Variants in ITGA2B observed in about 807,000 individuals in gnomAD.
The protein encoded by ITGA2B is integrin subunit alpha 2b, also known as integrin alpha-IIb.
Under a neutral mutation model 142.0 loss-of-function variants are expected in ITGA2B, and 91 were observed. That is an observed-to-expected ratio of 0.64 (90% CI 0.54 to 0.76). ITGA2B has a LOEUF of 0.76. ITGA2B is among the 30% of genes least tolerant of loss of function. The probability of loss-of-function intolerance (pLI) is 0.00; values close to 1 mark genes in which losing one functional copy is unlikely to be tolerated. For missense variants in ITGA2B, 1,231 were observed against 1,350.8 expected (o/e 0.91, Z 1.39); for synonymous variants, 536 against 567.2 (o/e 0.94, Z 0.78).
rs767400717 is a variant in ITGA2B, at chr17:44,374,486, C to G, written c.2944-16G>C. On this transcript the variant is annotated splice_polypyrimidine_tract_variant and intron_variant, in intron 28 of 29. Coordinates refer to ENST00000262407, the MANE Select transcript of ITGA2B (RefSeq NM_000419.5). ...GTGTCCACACCTGGGGGCAAACCCA[C>G]GTGTCTCCTCAGTCACCTTGACACC... 4 of 1,604,440 alleles carry G rather than the reference C, an allele frequency of 2.5e-6. No individual in the cohort carries two copies. Among genetic ancestry groups the G allele is most frequent in the Non-Finnish European group, 2.6e-6 (3 of 1,171,306 alleles).
intron 18 of ITGA2B, among the ~76,000 whole-genome samples, chr17:44,379,455 T>A (rs1252088448): frequency 6.6e-6 from 1 of 151,922 alleles, no homozygotes; most frequent in Admixed American, 6.6e-5. Flanking sequence ...GTTTTCACCA[T>A]GTTGGCCAGG....
intron 29 of ITGA2B, chr17:44,373,949 A>G (rs1244525762): frequency 4.3e-6 from 1 of 230,868 alleles, no homozygotes; most frequent in East Asian, 1.0e-4. Flanking sequence ...TCTGTTGCCC[A>G]AGCTGGAGTG....
At position 44,385,326 on chromosome 17, in the gene ITGA2B, TTGTCCCAGCCTGCAGGAG is replaced by T. The variant is rs2048636062; in HGVS notation, c.575-9_583del. 6.2e-7 allele frequency: 1 copy of T among 1,611,602 alleles called. No homozygotes were observed. The highest frequency in any genetic ancestry group is 1.3e-5 in the African/African-American group (1 of 75,006). On this transcript the variant is annotated splice_acceptor_variant and splice_polypyrimidine_tract_variant and coding_sequence_variant and intron_variant, in exon 5 of 30. Coordinates refer to ENST00000262407, the MANE Select transcript of ITGA2B (RefSeq NM_000419.5). LOFTEE classifies it high-confidence loss of function. ...GCTGAAGCCCGCTTCACAGTAACGC[TTGTCCCAGCCTGCAGGAG>T]ACAAGGAGGAGGGGTCAGCGCAGGG...
At chr17:44,379,574 G>A in intron 18 of ITGA2B, 115 bp downstream of exon 18, 2 of 1,528,002 alleles carry the variant, frequency 1.3e-6, no homozygotes, top group South Asian at 2.2e-5. Context: ...GTTTTCATTA[G>A]GGTTTGGAAT....
chr17:44,374,992 C>T lies in ITGA2B; in HGVS notation c.2841+6G>A. The T allele has an allele frequency of 1.3e-6, 2 of 1,534,520 alleles. No homozygotes were observed. The highest frequency in any genetic ancestry group is 8.8e-7 in the Non-Finnish European group (1 of 1,141,810). ...CCCGGCCCCGCCCCACCACGGCCCA[C>T]CCCACCTGGTAGAGGCTGGGCAGCC... On this transcript the variant is annotated splice_donor_region_variant and intron_variant, in intron 27 of 29. Coordinates refer to ENST00000262407, the MANE Select transcript of ITGA2B (RefSeq NM_000419.5).
chr17:44,374,964 AGG>A, intron 27 of ITGA2B, 32 bp downstream of exon 27: 1 of 1,472,236 alleles, frequency 6.8e-7, no homozygotes, highest in Non-Finnish European at 9.2e-7. Context: ...CCCGCCCAGA[AGG>A]CCCGGCCCCG....
rs1044150186 is a variant in ITGA2B at position 44,389,219 on chromosome 17, C to G, written c.188+67G>C. 2.6e-6 allele frequency: 4 copies of G among 1,549,090 alleles called. No individual in the cohort carries two copies. In the African/African-American group the frequency reaches 5.4e-5, roughly 21 times the overall value. The stretch of plus-strand genomic sequence containing the variant: ...GCTATCGCAAATGGGAAACTCGAAG[C>G]CCCCAGAAGCAGTGATGGGGAGGGG... On this transcript the variant is annotated intron_variant, in intron 1 of 29. Coordinates refer to ENST00000262407, the MANE Select transcript of ITGA2B (RefSeq NM_000419.5).
chr17:44,372,744 T>G (rs1018034270), intron 29 of ITGA2B, among the ~76,000 whole-genome samples: 12 of 152,018 alleles, frequency 7.9e-5, no homozygotes, highest in Admixed American at 3.9e-4. Context: ...TTCTCATGCC[T>G]CAGCCTCCCG....
rs750126524 is a variant in ITGA2B at position 44,374,650 on chromosome 17, C to G, written c.2943+9G>C. 6.2e-6 allele frequency: 10 copies of G among 1,611,418 alleles called. No homozygotes were observed. The highest frequency in any genetic ancestry group is 1.7e-5 in the Admixed American group (1 of 60,014). On this transcript the variant is annotated intron_variant, in intron 28 of 29. Transcript: ENST00000262407. ...AGGACTGGTCTCTGCTCCATCCCCC[C>G]ACACTCACCTGAGCTTCCCCTCGGG...
intron 29 of ITGA2B, 80 bp from the exon 30 acceptor site, chr17:44,372,503 T>C (rs867830247): frequency 1.0e-5 from 13 of 1,261,104 alleles, no homozygotes; most frequent in South Asian, 1.2e-5. Flanking sequence ...GTATGCTAGC[T>C]ATGAGCACCT....
intron 1 of ITGA2B, among the ~76,000 whole-genome samples, chr17:44,388,793 A>T (rs1598384877): frequency 6.7e-6 from 1 of 148,786 alleles, no homozygotes; most frequent in Non-Finnish European, 1.5e-5. Context: ...CTGGGATTGC[A>T]GGTGTGAGCC....
intron 29 of ITGA2B, 117 bp downstream of exon 29, chr17:44,374,237 C>T (rs1034061473): frequency 2.3e-6 from 2 of 863,590 alleles, no homozygotes; most frequent in South Asian, 1.3e-5. Flanking sequence ...GAGACATAGA[C>T]CCCTGGTCCC....
At chr17:44,376,722 C>T (rs757923027) in intron 22 of ITGA2B, among the ~76,000 whole-genome samples, 7 of 152,026 alleles carry the variant, frequency 4.6e-5, no homozygotes, top group Non-Finnish European at 7.4e-5. Context: ...AAGCTATTCT[C>T]CTGCCTCAGC....
intron 27 of ITGA2B, 63 bp downstream of exon 27, chr17:44,374,935 C>G: frequency 7.1e-7 from 1 of 1,415,648 alleles, no homozygotes; most frequent in Middle Eastern, 2.4e-4. Context: ...AACCCCGCCC[C>G]TCCCAGAGCA....
Position 44,389,455 on chromosome 17 carries a change from G to T in ITGA2B, c.19C>A (p.Pro7Thr), listed in dbSNP as rs2048679771. ...TCCAGAAGCCAGAGGGCTTGCAGTG[G>T]ACACAAAGCTCTGGCCATCTTCCTT... The part of the protein sequence containing the change: MARALC[P>T]LQALWLLEWV... Residue 7 changes from proline (P) to threonine (T), a missense_variant, in exon 1 of 30, where the codon CCA becomes ACA. Coordinates refer to ENST00000262407, the MANE Select transcript of ITGA2B (RefSeq NM_000419.5). 1 of 1,613,630 alleles carries T rather than the reference G, an allele frequency of 6.2e-7. No individual in the cohort carries two copies.
At chr17:44,376,446 G>C in intron 22 of ITGA2B, 58 bp from the exon 23 acceptor site, 1 of 1,540,328 alleles carries the variant, frequency 6.5e-7, no homozygotes, top group East Asian at 2.2e-5. Context: ...GTGACTTTCT[G>C]GGGGTGAGGC....
chr17:44,374,737 C>G lies in ITGA2B; in HGVS notation c.2865G>C (p.Leu955=), dbSNP rs752148883. 6.2e-7 allele frequency: 1 copy of G among 1,614,054 alleles called. No homozygotes were observed. The change falls in exon 28 of 30, where the codon CTG becomes CTC. Residue 955 remains leucine, a synonymous_variant. Transcript: ENST00000262407. ...LYQRPLDQFV[L]QSHAWFNVSS... ...ACACGTTGAACCATGCGTGCGACTG[C>G]AGCACAAACTGATCCAGAGGCCTCT...
Position 44,372,370 on chromosome 17 carries a change from C to G in ITGA2B, c.3114G>C (p.Gly1038=). 1 of 1,614,070 alleles carries G rather than the reference C, an allele frequency of 6.2e-7. No individual in the cohort carries two copies. Among genetic ancestry groups the G allele is most frequent in the Non-Finnish European group, 8.5e-7 (1 of 1,180,018 alleles). Residue 1038 remains glycine, a synonymous_variant, in exon 30 of 30, where the codon GGG becomes GGC. Coordinates refer to ENST00000262407, the MANE Select transcript of ITGA2B (RefSeq NM_000419.5). ...AATAGTGTAGGCTGCACCATCACTC[C>G]CCCTCTTCATCATCTTCTTCCAGGG... ...RPPLEEDDEE[G]E
In ITGA2B at chr17:44,388,672, C is replaced by T. The variant is rs113046862; in HGVS notation, c.188+614G>A. Among the ~76,000 whole-genome samples the T allele has an allele frequency of 4.2e-3, 634 of 152,120 alleles. 9 individuals carry two copies. Among genetic ancestry groups the T allele is most frequent in the African/African-American group, 0.014 (582 of 41,508 alleles). The stretch of plus-strand genomic sequence containing the variant: ...TAGCTGGGACTACAGGAGTGTGCCA[C>T]CACGCTCAGCTAATTTTTGTATTTT... On this transcript the variant is annotated intron_variant, in intron 1 of 29. Transcript: ENST00000262407.
Sources: allele counts gnomAD v4.1 joint callset (sites outside exome capture counted in the v4.1 genomes callset), GRCh38; gene constraint gnomAD v4.1.1; transcripts MANE v1.5; gene names NCBI Gene and HGNC (gene_info 2026-07-23, HGNC 2026-07-21).